SEMA3A: variants seen among roughly 807,000 people sequenced by gnomAD.
The protein encoded by SEMA3A is semaphorin 3A, also known as semaphorin-3A.
A neutral mutation model predicts 97.9 loss-of-function variants in SEMA3A; 29 were observed. The ratio of observed to expected loss-of-function variants is 0.30; its 90% CI spans 0.22 to 0.40. The LOEUF (loss-of-function observed/expected upper bound fraction) is 0.40. Ranked by LOEUF, SEMA3A falls within the 10% of genes least tolerant of loss-of-function variation. SEMA3A has a pLI of 1.00. For missense variants in SEMA3A, 763 were observed against 951.3 expected, an observed-to-expected ratio of 0.80 and a Z score of 2.60; for synonymous variants, 321 against 323.7, an observed-to-expected ratio of 0.99 and a Z score of 0.09.
intron 1 of SEMA3A, among the ~76,000 whole-genome samples, chr7:84,418,526 TGG>T (rs1268069892): frequency 3.9e-5 from 6 of 152,130 alleles, no homozygotes; most frequent in Non-Finnish European, 8.8e-5. Context: ...ACCCTCAATG[TGG>T]GTGGGCACCC....
chr7:84,219,355 T>G lies in SEMA3A; in HGVS notation c.-82-24687A>C, dbSNP rs1403117468. ...AGGTGGGAGAACATATCTAAGTGGA[T>G]GTAGATCTACAGAGATCTTATTAAG... is the stretch of plus-strand genomic sequence containing the variant. On this transcript the variant is annotated intron_variant, in intron 3 of 3. Transcript: ENST00000424555. 2.6e-5 allele frequency among the ~76,000 whole-genome samples: 4 copies of G among 152,146 alleles called. No individual in the cohort carries two copies. The East Asian group carries it at 5.8e-4, about 22-fold the overall frequency.
intron 4 of SEMA3A, among the ~76,000 whole-genome samples, chr7:84,103,855 T>C (rs1289656402): frequency 6.6e-6 from 1 of 152,142 alleles, no homozygotes; most frequent in Admixed American, 6.6e-5. Context: ...GGATTTAGTG[T>C]TATTTTTCAT....
At chr7:84,030,287 G>C (rs1329174317) in intron 6 of SEMA3A, among the ~76,000 whole-genome samples, 1 of 152,086 alleles carries the variant, frequency 6.6e-6, no homozygotes, top group Non-Finnish European at 1.5e-5. Flanking sequence ...AAAATTGGTA[G>C]TGATTCAAGA....
At chr7:84,472,166 T>A (rs1250303523) in intron 1 of SEMA3A, among the ~76,000 whole-genome samples, 2 of 152,066 alleles carry the variant, frequency 1.3e-5, no homozygotes, top group Non-Finnish European at 2.9e-5. Context: ...TACATGTCCA[T>A]ATAAGTAAAA....
chr7:84,014,641 A>C (rs1030229322), intron 6 of SEMA3A, among the ~76,000 whole-genome samples: 5 of 152,192 alleles, frequency 3.3e-5, no homozygotes, highest in African/African-American at 9.6e-5. Flanking sequence ...ACTGGATATT[A>C]AAATATTTTG....
chr7:84,455,641 A>G (rs529598834), intron 1 of SEMA3A, among the ~76,000 whole-genome samples: 2 of 151,954 alleles, frequency 1.3e-5, no homozygotes, highest in Non-Finnish European at 2.9e-5. Context: ...CAATGTGAAT[A>G]ATTCTTATAG....
intron 4 of SEMA3A, among the ~76,000 whole-genome samples, chr7:84,068,467 A>C (rs1334055106): frequency 6.6e-6 from 1 of 151,706 alleles, no homozygotes; most frequent in Non-Finnish European, 1.5e-5. Flanking sequence ...AAAATTAGGA[A>C]ATAGTGAAAA....
chr7:84,394,887 C>T (rs2116187594), intron 1 of SEMA3A, among the ~76,000 whole-genome samples: 1 of 152,198 alleles, frequency 6.6e-6, no homozygotes, highest in Middle Eastern at 3.4e-3. Context: ...AGGTTAGAAA[C>T]AGTGAAAGTG....
At chr7:84,052,555 A>G (rs1333525697) in intron 5 of SEMA3A, among the ~76,000 whole-genome samples, 3 of 151,740 alleles carry the variant, frequency 2.0e-5, no homozygotes, top group African/African-American at 7.3e-5. Context: ...ATCGGTGGTG[A>G]TATCCCCTTT....
At chr7:84,228,832 TA>T (rs1291275776) in intron 3 of SEMA3A, among the ~76,000 whole-genome samples, 1 of 152,112 alleles carries the variant, frequency 6.6e-6, no homozygotes, top group East Asian at 1.9e-4. Context: ...TCCACTCCTT[TA>T]AGTCCTATGG....
At chr7:84,235,552 T>C (rs1481216678) in intron 3 of SEMA3A, among the ~76,000 whole-genome samples, 3 of 152,064 alleles carry the variant, frequency 2.0e-5, no homozygotes, top group Non-Finnish European at 4.4e-5. Flanking sequence ...ATTATTGGAA[T>C]AAGAAAAATG....
chr7:84,317,036 A>C (rs1254378959), intron 2 of SEMA3A, among the ~76,000 whole-genome samples: 1 of 152,132 alleles, frequency 6.6e-6, no homozygotes, highest in African/African-American at 2.4e-5. Context: ...ATAATAGGGC[A>C]CTTCTCCATA....
intron 15 of SEMA3A, among the ~76,000 whole-genome samples, chr7:83,975,546 C>G (rs969047668): frequency 5.3e-5 from 8 of 152,086 alleles, no homozygotes. Context: ...TAGATTATAA[C>G]TTGAAATTTT....
intron 2 of SEMA3A, among the ~76,000 whole-genome samples, chr7:84,345,783 A>G (rs1802284946): frequency 6.6e-6 from 1 of 152,184 alleles, no homozygotes; most frequent in Admixed American, 6.5e-5. Flanking sequence ...GAAGTCTTCA[A>G]CACTTCAAAG....
chr7:84,145,189 A>C (rs1796427059), intron 1 of SEMA3A, among the ~76,000 whole-genome samples: 1 of 152,070 alleles, frequency 6.6e-6, no homozygotes, highest in African/African-American at 2.4e-5. Context: ...TCTCCTGTGA[A>C]TTCTTGACCT....
chr7:84,095,469 TA>T (rs1222562597), intron 4 of SEMA3A, among the ~76,000 whole-genome samples: 3 of 149,912 alleles, frequency 2.0e-5, no homozygotes, highest in African/African-American at 7.3e-5. Flanking sequence ...TTTATTTCAA[TA>T]TTTTTTTCTA....
At chr7:84,474,574 T>C (rs939560753) in intron 1 of SEMA3A, among the ~76,000 whole-genome samples, 1 of 152,144 alleles carries the variant, frequency 6.6e-6, no homozygotes, top group Non-Finnish European at 1.5e-5. Flanking sequence ...TGACTCTTTT[T>C]CCCCATCAGG....
chr7:84,299,398 TA>T (rs1800952724), intron 3 of SEMA3A, among the ~76,000 whole-genome samples: 1 of 146,298 alleles, frequency 6.8e-6, no homozygotes, highest in Non-Finnish European at 1.5e-5. Context: ...ACACATCTCC[TA>T]CTAGTTCTGT....
intron 4 of SEMA3A, among the ~76,000 whole-genome samples, chr7:84,078,559 G>T (rs933712650): frequency 6.6e-6 from 1 of 151,938 alleles, no homozygotes; most frequent in Non-Finnish European, 1.5e-5. Flanking sequence ...GAGGGTTGTG[G>T]TCTTGCTCTC....
Sources: gnomAD v4.1 joint callset for allele counts (sites outside exome capture counted in the v4.1 genomes callset) on GRCh38, gnomAD v4.1.1 for gene constraint, MANE v1.5 for transcripts, NCBI Gene and HGNC (gene_info 2026-07-23, HGNC 2026-07-21) for gene names.